LRP1B: variants seen among roughly 807,000 people sequenced by gnomAD.
The protein encoded by LRP1B is LDL receptor related protein 1B.
LRP1B carries 217 observed loss-of-function variants against 556.6 expected under a neutral mutation model. That is an observed-to-expected ratio of 0.39 (90% CI 0.35 to 0.44). The LOEUF (loss-of-function observed/expected upper bound fraction) is 0.44, where lower values mean the gene tolerates loss of function less well. Ranked by LOEUF, LRP1B falls within the 20% of genes least tolerant of loss-of-function variation. The probability of loss-of-function intolerance (pLI) is 1.00; values close to 1 mark genes in which losing one functional copy is unlikely to be tolerated. For synonymous variants in LRP1B, 2,047 were observed against 1,865.8 expected (o/e 1.10, Z -2.50); for missense variants, 5,053 against 5,620.8 (o/e 0.90, Z 3.23).
chr2:141,208,529 C>A (rs1401019126), intron 6 of LRP1B, among the ~76,000 whole-genome samples: 2 of 152,210 alleles, frequency 1.3e-5, no homozygotes, highest in East Asian at 3.9e-4. Context: ...CTTGCATATG[C>A]AGGCCTTATA....
At chr2:140,761,556 A>G (rs72927808) in intron 35 of LRP1B, among the ~76,000 whole-genome samples, 107 of 152,328 alleles carry the variant, frequency 7.0e-4, no homozygotes, top group Non-Finnish European at 1.3e-3. Flanking sequence ...CTTATTCACT[A>G]GCTCTAAGAG....
chr2:141,838,873 AG>A (rs1392870561), intron 1 of LRP1B, among the ~76,000 whole-genome samples: 1 of 152,164 alleles, frequency 6.6e-6, no homozygotes, highest in Non-Finnish European at 1.5e-5. Flanking sequence ...TCTCTGTTAT[AG>A]TACTATGATG....
chr2:140,610,822 C>T (rs1320610963), intron 41 of LRP1B, among the ~76,000 whole-genome samples: 1 of 152,186 alleles, frequency 6.6e-6, no homozygotes, highest in East Asian at 1.9e-4. Context: ...CCGCCCGCCT[C>T]GGCCTCCCAA....
chr2:140,804,477 G>C (rs191295337), intron 32 of LRP1B, among the ~76,000 whole-genome samples: 119 of 151,828 alleles, frequency 7.8e-4, no homozygotes, highest in African/African-American at 2.8e-3. Context: ...GTATATCTTA[G>C]AAAATTCATA....
intron 32 of LRP1B, among the ~76,000 whole-genome samples, chr2:140,787,556 A>G (rs1339995593): frequency 8.9e-6 from 1 of 112,894 alleles, no homozygotes; most frequent in Non-Finnish European, 1.7e-5. Context: ...TTAAAACAGA[A>G]GATTTTTTTT....
intron 3 of LRP1B, among the ~76,000 whole-genome samples, chr2:141,331,499 T>C (rs1387855033): frequency 8.6e-6 from 1 of 115,720 alleles, no homozygotes; most frequent in Non-Finnish European, 1.8e-5. Context: ...TCTTTCTTTC[T>C]TTCCTTCTTT....
intron 2 of LRP1B, among the ~76,000 whole-genome samples, chr2:141,764,177 C>T: frequency 6.6e-6 from 1 of 151,800 alleles, no homozygotes; most frequent in East Asian, 1.9e-4. Context: ...CTCTGTCTGA[C>T]AAGATGGTGT....
At chr2:140,749,895 C>G (rs1401516825) in intron 35 of LRP1B, among the ~76,000 whole-genome samples, 4 of 152,190 alleles carry the variant, frequency 2.6e-5, no homozygotes, top group African/African-American at 9.6e-5. Context: ...GGTTTGTTTA[C>G]AACAGTATCA....
rs775126924 is a variant in LRP1B at position 141,810,420 on chromosome 2, C to T, written c.83-19G>A. 15 of 1,610,598 alleles carry T rather than the reference C, an allele frequency of 9.3e-6. No homozygotes were observed. Among genetic ancestry groups the T allele is most frequent in the Admixed American group, 5.0e-5 (3 of 59,762 alleles). ...TGCTGATCTGAAAATGAAAATGTTT[C>T]GAAATAAAATATGAATGATCTGAAC... On this transcript the variant is annotated intron_variant, in intron 1 of 90. Coordinates refer to ENST00000389484, the MANE Select transcript of LRP1B (RefSeq NM_018557.3).
At chr2:140,756,864 T>C (rs1438803836) in intron 35 of LRP1B, among the ~76,000 whole-genome samples, 1 of 152,002 alleles carries the variant, frequency 6.6e-6, no homozygotes, top group Non-Finnish European at 1.5e-5. Flanking sequence ...AAAGGCACCT[T>C]TGAAAAGAGA....
At chr2:142,079,570 C>T (rs150726984) in intron 1 of LRP1B, among the ~76,000 whole-genome samples, 119 of 151,980 alleles carry the variant, frequency 7.8e-4, no homozygotes, top group African/African-American at 2.8e-3. Context: ...TGCAGTGGTG[C>T]TATCTTGGCT....
At chr2:140,583,171 C>CTTTTTTTTT (rs1219194754) in intron 43 of LRP1B, among the ~76,000 whole-genome samples, 191 of 47,882 alleles carry the variant, frequency 4.0e-3, no homozygotes, top group Non-Finnish European at 6.8e-3. Context: ...CCTTTTTTTT[C>CTTTTTTTTT]TTTTTTTTTT....
At chr2:141,506,972 A>G (rs1683955245) in intron 2 of LRP1B, among the ~76,000 whole-genome samples, 2 of 152,092 alleles carry the variant, frequency 1.3e-5, no homozygotes, top group Admixed American at 1.3e-4. Flanking sequence ...TTCTAATGAC[A>G]TGGACTATAC....
At chr2:141,326,079 A>C (rs573577347) in intron 3 of LRP1B, among the ~76,000 whole-genome samples, 1 of 152,266 alleles carries the variant, frequency 6.6e-6, no homozygotes, top group South Asian at 2.1e-4. Flanking sequence ...ATAGTGCTTT[A>C]CCTTAATGAT....
At chr2:141,865,120 G>T (rs1698363856) in intron 1 of LRP1B, among the ~76,000 whole-genome samples, 1 of 152,074 alleles carries the variant, frequency 6.6e-6, no homozygotes, top group Non-Finnish European at 1.5e-5. Flanking sequence ...CCTAGCAAAA[G>T]AAGCAATATT....
At chr2:140,759,224 A>G (rs1453397596) in intron 35 of LRP1B, among the ~76,000 whole-genome samples, 1 of 152,148 alleles carries the variant, frequency 6.6e-6, no homozygotes, top group African/African-American at 2.4e-5. Context: ...TATTAATATT[A>G]GAAGTTGAAT....
intron 43 of LRP1B, among the ~76,000 whole-genome samples, chr2:140,545,504 GGCTA>G (rs1269828746): frequency 6.6e-6 from 1 of 152,044 alleles, no homozygotes. Flanking sequence ...TTCTGCATAT[GGCTA>G]GCTATTTATC....
At chr2:141,041,289 G>C (rs1698689819) in intron 11 of LRP1B, among the ~76,000 whole-genome samples, 1 of 152,036 alleles carries the variant, frequency 6.6e-6, no homozygotes, top group African/African-American at 2.4e-5. Context: ...TCACAAACTT[G>C]GTGGCTTAAA....
intron 7 of LRP1B, among the ~76,000 whole-genome samples, chr2:141,186,993 C>G (rs1358599641): frequency 1.3e-5 from 2 of 152,038 alleles, no homozygotes; most frequent in Non-Finnish European, 2.9e-5. Flanking sequence ...AAAGGCTAAT[C>G]TGAAATTCAG....
Sources: gnomAD v4.1 joint callset for allele counts (sites outside exome capture counted in the v4.1 genomes callset) on GRCh38, gnomAD v4.1.1 for gene constraint, MANE v1.5 for transcripts, NCBI Gene and HGNC (gene_info 2026-07-23, HGNC 2026-07-21) for gene names.